Variants in CPEB3 observed in about 807,000 individuals in gnomAD.
The protein encoded by CPEB3 is cytoplasmic polyadenylation element-binding protein 3.
In CPEB3, 20 loss-of-function variants were observed where a neutral mutation model predicts 67.2. The observed-to-expected ratio is 0.30, with a 90% CI of 0.21 to 0.43. CPEB3 has a LOEUF of 0.43. CPEB3 is among the 20% of genes least tolerant of loss of function. The pLI, the probability that CPEB3 is intolerant of heterozygous loss-of-function variation, is 1.00. For synonymous variants in CPEB3, 376 were observed against 393.1 expected (o/e 0.96, Z 0.51); for missense variants, 746 against 968.6 (o/e 0.77, Z 3.05).
At chr10:92,128,136 C>T (rs1399439535) in intron 6 of CPEB3, among the ~76,000 whole-genome samples, 1 of 152,102 alleles carries the variant, frequency 6.6e-6, no homozygotes, top group African/African-American at 2.4e-5. Flanking sequence ...GTTAAGTAAC[C>T]TTCACAAAAT....
rs186167926 is a variant in CPEB3, at chr10:92,172,517, T to C, written c.1222+8446A>G. 2.6e-5 allele frequency among the ~76,000 whole-genome samples: 4 copies of C among 152,354 alleles called. No homozygotes were observed. The East Asian group carries it at 7.7e-4, about 29-fold the overall frequency. On this transcript the variant is annotated intron_variant, in intron 4 of 9. Coordinates refer to ENST00000265997, the MANE Select transcript of CPEB3 (RefSeq NM_014912.5). ...GTTAAATGAAACCCAAGTGACCTTTTGGGAAAATCCAAAAGAGTAAAAATC... is the reference window on the plus strand; with the variant it reads ...GTTAAATGAAACCCAAGTGACCTTTCGGGAAAATCCAAAAGAGTAAAAATC...
chr10:92,050,163 C>T lies in CPEB3; in HGVS notation c.*2049G>A, dbSNP rs1841852725. On this transcript the variant is annotated 3_prime_UTR_variant, in exon 10 of 10. Coordinates refer to ENST00000265997, the MANE Select transcript of CPEB3 (RefSeq NM_014912.5). ...TCTTGTACAGATGAAAAAAAACCCACAAACATAGAAAAAAACAAACAAAAC... is the reference window on the plus strand; with the variant it reads ...TCTTGTACAGATGAAAAAAAACCCATAAACATAGAAAAAAACAAACAAAAC... The T allele has an allele frequency of 6.6e-6, 1 of 151,370 alleles. No individual in the cohort carries two copies. Among genetic ancestry groups the T allele is most frequent in the Non-Finnish European group, 1.5e-5 (1 of 67,778 alleles). 9.4% of individuals were successfully genotyped at this position (151,370 alleles called of 1,614,324 possible).
rs1401513665 is a variant in CPEB3, at chr10:92,054,995, A to G, written c.1870-2556T>C. ...AATAAAATGTGGGTTATCTATTCCC[A>G]TGGAATATCATGCAGCCATGAAAAA... On this transcript the variant is annotated intron_variant, in intron 9 of 9. Coordinates refer to ENST00000265997, the MANE Select transcript of CPEB3 (RefSeq NM_014912.5). Among the ~76,000 whole-genome samples, 4 of 152,206 alleles carry G rather than the reference A, an allele frequency of 2.6e-5. No homozygotes were observed. In the East Asian group the frequency reaches 7.7e-4, roughly 29 times the overall value.
intron 1 of CPEB3, among the ~76,000 whole-genome samples, chr10:92,246,803 C>T (rs911881930): frequency 1.3e-5 from 2 of 152,064 alleles, no homozygotes; most frequent in Non-Finnish European, 2.9e-5. Flanking sequence ...CCACCACGCC[C>T]GGCCTAGGAT....
intron 8 of CPEB3, among the ~76,000 whole-genome samples, chr10:92,082,043 T>C (rs996342844): frequency 6.6e-6 from 1 of 152,138 alleles, no homozygotes; most frequent in Non-Finnish European, 1.5e-5. Context: ...GATTTTAGAG[T>C]ATATTCTAAC....
At chr10:92,109,653 T>G (rs1195124790) in intron 7 of CPEB3, among the ~76,000 whole-genome samples, 2 of 152,202 alleles carry the variant, frequency 1.3e-5, no homozygotes, top group African/African-American at 4.8e-5. Flanking sequence ...GCCTCCAAAT[T>G]TGAAAATTAC....
At chr10:92,052,575 G>A (rs1841936648) in intron 9 of CPEB3, 136 bp from the exon 10 acceptor site, 1 of 699,198 alleles carries the variant, frequency 1.4e-6, no homozygotes, top group African/African-American at 1.8e-5. Context: ...ATACTGGATG[G>A]TGGTTGAGAG....
chr10:92,127,321 A>T (rs1441044343), intron 6 of CPEB3, among the ~76,000 whole-genome samples: 1 of 152,156 alleles, frequency 6.6e-6, no homozygotes, highest in Non-Finnish European at 1.5e-5. Context: ...GAATACAGAA[A>T]AAGAGGATAC....
At chr10:92,164,970 T>G (rs1472337320) in intron 4 of CPEB3, among the ~76,000 whole-genome samples, 1 of 152,192 alleles carries the variant, frequency 6.6e-6, no homozygotes, top group Non-Finnish European at 1.5e-5. Context: ...ACAGGGATAC[T>G]TCAGAGATAT....
At chr10:92,105,517 C>T (rs1844400939) in intron 7 of CPEB3, among the ~76,000 whole-genome samples, 1 of 152,158 alleles carries the variant, frequency 6.6e-6, no homozygotes, top group African/African-American at 2.4e-5. Flanking sequence ...TCCACATTCT[C>T]CTCATCCTTC....
intron 2 of CPEB3, among the ~76,000 whole-genome samples, chr10:92,233,984 G>A (rs1022146787): frequency 1.3e-5 from 2 of 151,920 alleles, no homozygotes; most frequent in Non-Finnish European, 2.9e-5. Context: ...GCACGTGCCT[G>A]TAGTCCCAGC....
At chr10:92,097,992 T>C (rs2133359936) in intron 7 of CPEB3, among the ~76,000 whole-genome samples, 1 of 151,576 alleles carries the variant, frequency 6.6e-6, no homozygotes, top group East Asian at 2.0e-4. Context: ...TGAAACCCCG[T>C]ATCTACTAAA....
At chr10:92,068,285 G>A (rs1338335361) in intron 9 of CPEB3, among the ~76,000 whole-genome samples, 1 of 152,130 alleles carries the variant, frequency 6.6e-6, no homozygotes, top group Non-Finnish European at 1.5e-5. Flanking sequence ...GGAGGTATGG[G>A]TATAAATCAG....
chr10:92,067,780 T>C (rs1842614019), intron 9 of CPEB3, among the ~76,000 whole-genome samples: 1 of 152,108 alleles, frequency 6.6e-6, no homozygotes, highest in Non-Finnish European at 1.5e-5. Flanking sequence ...ATCACACCAT[T>C]GCACTCCAGC....
chr10:92,174,330 TC>T (rs1848132671), intron 4 of CPEB3, among the ~76,000 whole-genome samples: 2 of 152,220 alleles, frequency 1.3e-5, no homozygotes, highest in African/African-American at 4.8e-5. Context: ...TCACATTGCC[TC>T]TTTTGATTCC....
intron 1 of CPEB3, among the ~76,000 whole-genome samples, chr10:92,286,505 A>C (rs1401301400): frequency 6.6e-6 from 1 of 151,592 alleles, no homozygotes; most frequent in Non-Finnish European, 1.5e-5. Context: ...GAATCTCTTG[A>C]ACCTGGGAGT....
chr10:92,254,902 G>A (rs1245074603), intron 1 of CPEB3, among the ~76,000 whole-genome samples: 1 of 150,590 alleles, frequency 6.6e-6, no homozygotes, highest in Non-Finnish European at 1.5e-5. Flanking sequence ...GCGATGGAGT[G>A]CTGCCACATC....
chr10:92,164,534 T>C (rs905991724), intron 4 of CPEB3, among the ~76,000 whole-genome samples: 1 of 152,208 alleles, frequency 6.6e-6, no homozygotes, highest in African/African-American at 2.4e-5. Context: ...GCCTTTTCTA[T>C]GATTTCATAT....
chr10:92,287,129 T>C (rs1291881168), intron 1 of CPEB3, among the ~76,000 whole-genome samples: 2 of 148,500 alleles, frequency 1.3e-5, no homozygotes, highest in African/African-American at 4.9e-5. Context: ...TCATTTATCA[T>C]AGACTTTTTT....
Sources: allele counts gnomAD v4.1 joint callset (sites outside exome capture counted in the v4.1 genomes callset), GRCh38; gene constraint gnomAD v4.1.1; transcripts MANE v1.5; gene names NCBI Gene and HGNC (gene_info 2026-07-23, HGNC 2026-07-21).